Variants in KAZN observed in about 807,000 individuals in gnomAD.
KAZN encodes the protein kazrin, periplakin interacting protein, also known as kazrin.
In KAZN, 40 loss-of-function variants were observed where a neutral mutation model predicts 87.4. The ratio of observed to expected loss-of-function variants is 0.46; its 90% CI spans 0.36 to 0.60. The LOEUF (loss-of-function observed/expected upper bound fraction) is 0.60. Ranked by LOEUF, KAZN falls within the 20% of genes least tolerant of loss-of-function variation. The probability of loss-of-function intolerance (pLI) is 0.00; values close to 1 mark genes in which losing one functional copy is unlikely to be tolerated. For synonymous variants in KAZN, 466 were observed against 458.3 expected, an observed-to-expected ratio of 1.02 and a Z score of -0.22; for missense variants, 898 against 1,073.9, an observed-to-expected ratio of 0.84 and a Z score of 2.29.
chr1:13,993,701 A>G (rs1294460481), intron 1 of KAZN, among the ~76,000 whole-genome samples: 1 of 152,218 alleles, frequency 6.6e-6, no homozygotes, highest in Non-Finnish European at 1.5e-5. Flanking sequence ...GAAATATCAA[A>G]TAGTAAACAT....
At chr1:14,424,505 C>T (rs894500200) in intron 2 of KAZN, among the ~76,000 whole-genome samples, 3 of 152,180 alleles carry the variant, frequency 2.0e-5, no homozygotes, top group East Asian at 1.9e-4. Context: ...CCCACACATA[C>T]GCAGAGCCAC....
rs764456331 is a variant in KAZN, at chr1:14,810,482, G to C, written c.227-150202G>C. Among the ~76,000 whole-genome samples, 5 of 152,106 alleles carry C rather than the reference G, an allele frequency of 3.3e-5. No homozygotes were observed. The East Asian group carries it at 9.7e-4, about 29-fold the overall frequency. On this transcript the variant is annotated intron_variant, in intron 1 of 14. Transcript: ENST00000376030. ...GTGTGAGGTTTAGCAAATGTCAGCAGAATGAATGAATCTCAAAGTTCCACC... is the reference window on the plus strand; with the variant it reads ...GTGTGAGGTTTAGCAAATGTCAGCACAATGAATGAATCTCAAAGTTCCACC...
At chr1:14,385,912 G>A (rs1330055279) in intron 2 of KAZN, among the ~76,000 whole-genome samples, 2 of 147,686 alleles carry the variant, frequency 1.4e-5, no homozygotes, top group East Asian at 2.1e-4. Context: ...TGACAGTGGG[G>A]TGTTAAAATC....
At chr1:14,803,813 G>T (rs1013712766) in intron 1 of KAZN, among the ~76,000 whole-genome samples, 1 of 152,262 alleles carries the variant, frequency 6.6e-6, no homozygotes, top group East Asian at 1.9e-4. Context: ...ACTGGATGTG[G>T]TCAGCAGGCA....
intron 1 of KAZN, among the ~76,000 whole-genome samples, chr1:14,113,936 C>T (rs1416856789): frequency 6.6e-6 from 1 of 152,156 alleles, no homozygotes; most frequent in Non-Finnish European, 1.5e-5. Flanking sequence ...GGGGTGTTTG[C>T]CTGGAGTCTG....
chr1:13,985,644 A>G (rs571688287), intron 1 of KAZN, among the ~76,000 whole-genome samples: 4 of 151,998 alleles, frequency 2.6e-5, no homozygotes, highest in African/African-American at 9.6e-5. Context: ...ATCCCTCCAA[A>G]AAAAAAACCC....
At chr1:15,015,610 C>T (rs774979918) in intron 2 of KAZN, among the ~76,000 whole-genome samples, 1 of 152,264 alleles carries the variant, frequency 6.6e-6, no homozygotes, top group Non-Finnish European at 1.5e-5. Context: ...GGGCTTCCCT[C>T]CCTCCTCCAG....
chr1:14,372,392 G>A (rs1056604730), intron 2 of KAZN, among the ~76,000 whole-genome samples: 2 of 152,194 alleles, frequency 1.3e-5, no homozygotes, highest in African/African-American at 4.8e-5. Context: ...ATTACTCTCA[G>A]ATGGGATTTC....
At chr1:14,736,269 G>GTT (rs1557437606) in intron 1 of KAZN, among the ~76,000 whole-genome samples, 22 of 142,434 alleles carry the variant, frequency 1.5e-4, no homozygotes, top group African/African-American at 5.2e-4. Flanking sequence ...GTGTGTGTGT[G>GTT]TGTGTGTGTG....
chr1:14,731,743 T>C (rs913182173), intron 1 of KAZN, among the ~76,000 whole-genome samples: 6 of 152,220 alleles, frequency 3.9e-5, no homozygotes, highest in African/African-American at 1.4e-4. Flanking sequence ...ATGGAGAAGA[T>C]GCCCTCTGCT....
At chr1:14,568,001 G>C (rs1674643300) in intron 2 of KAZN, among the ~76,000 whole-genome samples, 1 of 152,180 alleles carries the variant, frequency 6.6e-6, no homozygotes, top group Admixed American at 6.5e-5. Context: ...ATGTGATTAG[G>C]TTACATTCTG....
intron 2 of KAZN, among the ~76,000 whole-genome samples, chr1:14,329,273 G>A (rs771463986): frequency 9.9e-5 from 15 of 152,060 alleles, no homozygotes; most frequent in Non-Finnish European, 1.6e-4. Context: ...CCAGGAAAAT[G>A]TTCTGTTGGC....
At chr1:14,117,496 C>T (rs985798789) in intron 1 of KAZN, among the ~76,000 whole-genome samples, 2 of 152,138 alleles carry the variant, frequency 1.3e-5, no homozygotes, top group African/African-American at 4.8e-5. Context: ...TCTTTTTCTT[C>T]CTGGTCTCAA....
At chr1:13,928,846 C>CTT (rs35452839) in intron 1 of KAZN, among the ~76,000 whole-genome samples, 21 of 147,028 alleles carry the variant, frequency 1.4e-4, no homozygotes, top group African/African-American at 5.2e-4. Context: ...TTGAAGAAAT[C>CTT]TTTTTTTTTT....
intron 8 of KAZN, among the ~76,000 whole-genome samples, chr1:15,070,704 G>C (rs1189021582): frequency 6.6e-6 from 1 of 152,240 alleles, no homozygotes; most frequent in Non-Finnish European, 1.5e-5. Flanking sequence ...AGCCAAGTGT[G>C]GTGGCACACG....
At position 14,939,285 on chromosome 1, in the gene KAZN, T is replaced by C. The variant is rs567112984; in HGVS notation, c.227-21399T>C. Among the ~76,000 whole-genome samples the C allele has an allele frequency of 1.2e-4, 18 of 150,862 alleles. No homozygotes were observed. In the South Asian group the frequency reaches 1.7e-3, roughly 14 times the overall value. ...CCGTGCCTGGCCTGTTTATTCATTT[T>C]AGACACAGGGTCTTGCTCTTGCCTC... On this transcript the variant is annotated intron_variant, in intron 1 of 14. Coordinates refer to ENST00000376030, the MANE Select transcript of KAZN (RefSeq NM_201628.3).
intron 2 of KAZN, among the ~76,000 whole-genome samples, chr1:14,983,328 A>G (rs748413324): frequency 3.9e-5 from 6 of 152,192 alleles, no homozygotes; most frequent in Non-Finnish European, 7.3e-5. Context: ...CCTTGGTCCT[A>G]GGATTGGAAG....
intron 2 of KAZN, among the ~76,000 whole-genome samples, chr1:14,578,472 A>T (rs1216301423): frequency 6.6e-6 from 1 of 152,188 alleles, no homozygotes; most frequent in East Asian, 1.9e-4. Context: ...ACAAGAAGAT[A>T]AAAAGCAATC....
intron 2 of KAZN, among the ~76,000 whole-genome samples, chr1:14,296,625 A>ATTTCT (rs1654133736): frequency 1.4e-5 from 1 of 73,720 alleles, no homozygotes; most frequent in East Asian, 4.2e-4. Context: ...GAGTTTTTGT[A>ATTTCT]TTTCTTTTTT....
Sources: allele counts gnomAD v4.1 joint callset (sites outside exome capture counted in the v4.1 genomes callset), GRCh38; gene constraint gnomAD v4.1.1; transcripts MANE v1.5; gene names NCBI Gene and HGNC (gene_info 2026-07-23, HGNC 2026-07-21).